The following EIF3C variants were observed in gnomAD, a reference collection of about 807,000 sequenced individuals.
The protein encoded by EIF3C is cell migration-inducing protein 17.
In EIF3C, 2 loss-of-function variants were observed where a neutral mutation model predicts 11.1. The ratio of observed to expected loss-of-function variants is 0.18; its 90% CI spans 0.07 to 0.57. EIF3C has a LOEUF of 0.57. Among genes scored for constraint, EIF3C ranks in the 20% least tolerant of loss-of-function variants. The probability of loss-of-function intolerance (pLI) is 0.92; values close to 1 mark genes in which losing one functional copy is unlikely to be tolerated. For synonymous variants in EIF3C, 2 were observed against 41.5 expected, an observed-to-expected ratio of 0.05 and a Z score of 3.66; for missense variants, 16 against 114.6, an observed-to-expected ratio of 0.14 and a Z score of 3.93.
intron 15 of EIF3C, among the ~76,000 whole-genome samples, chr16:28,728,499 GT>G (rs2048405716): frequency 1.5e-5 from 1 of 65,464 alleles, no homozygotes; most frequent in East Asian, 3.9e-4. Flanking sequence ...TTTAGGGGGT[GT>G]GTGTGTGTGT....
At chr16:28,698,242 G>C (rs2048253948) in intron 1 of EIF3C, among the ~76,000 whole-genome samples, 2 of 126,532 alleles carry the variant, frequency 1.6e-5, no homozygotes, top group Non-Finnish European at 3.4e-5. Flanking sequence ...GGGGCGGCTG[G>C]CCGGGTGGGG....
intron 1 of EIF3C, among the ~76,000 whole-genome samples, chr16:28,691,180 A>AT (rs2048215639): frequency 2.5e-5 from 1 of 40,352 alleles, no homozygotes; most frequent in Admixed American, 3.4e-4. Context: ...GTCTCAAAAA[A>AT]ATATATATAT....
At position 28,723,272 on chromosome 16, in the gene EIF3C, C is replaced by G. The variant is rs756558546; in HGVS notation, c.885C>G (p.Asp295Glu). The G allele has an allele frequency of 1.4e-5, 23 of 1,614,268 alleles. No homozygotes were observed. Among genetic ancestry groups the G allele is most frequent in the Non-Finnish European group, 1.9e-5 (22 of 1,180,044 alleles). Reference sequence around the variant, plus strand: ...AGCGCCTGGATGAGGAGGAGGAGGACAATGAAGGCGGGGAGTGGGAAAGGG... The same window carrying G: ...AGCGCCTGGATGAGGAGGAGGAGGAGAATGAAGGCGGGGAGTGGGAAAGGG... The part of the protein sequence containing the change: ...KSKRLDEEEE[D>E]NEGGEWERVR... The change falls in exon 9 of 21, where the codon GAC becomes GAG. Residue 295 changes from aspartate to glutamate, a missense_variant. By Grantham distance (45) the Asp-to-Glu change is conservative. Transcript: ENST00000331666.
chr16:28,695,992 GA>G lies in EIF3C; in HGVS notation c.-31+7172del, dbSNP rs1287151077. On this transcript the variant is annotated intron_variant, in intron 1 of 20. Coordinates refer to the EIF3C transcript ENST00000566501. ...CAACAGAGGGAGACTCTGTCTCAAA[GA>G]AAAAAAATTTTAAAAAGACAGTTAA... 5.0e-4 allele frequency among the ~76,000 whole-genome samples: 25 copies of G among 49,604 alleles called. 5 individuals carry two copies. The highest frequency in any genetic ancestry group is 2.1e-3 in the African/African-American group (13 of 6,094). 32.5% of individuals were successfully genotyped at this position (49,604 alleles called of 152,430 possible).
intron 1 of EIF3C, among the ~76,000 whole-genome samples, chr16:28,691,186 TATATATATA>T (rs1010200087): frequency 2.4e-5 from 1 of 42,022 alleles, no homozygotes; most frequent in Non-Finnish European, 3.7e-5. Flanking sequence ...AAAAAATATA[TATATATATA>T]ATATATATAT....
At chr16:28,729,030 G>A (rs77947417) in intron 15 of EIF3C, among the ~76,000 whole-genome samples, 1,207 of 29,076 alleles carry the variant, frequency 0.042, 179 homozygotes, top group African/African-American at 0.16. Context: ...TTGAGTTGTA[G>A]GAGTGCCTTA....
At chr16:28,698,580 C>A (rs1218189315) in intron 1 of EIF3C, among the ~76,000 whole-genome samples, 1 of 97,294 alleles carries the variant, frequency 1.0e-5, no homozygotes, top group African/African-American at 8.3e-5. Context: ...GGCGGAGACG[C>A]TCCTCACTTC....
chr16:28,699,999 C>A (rs1469912132), intron 1 of EIF3C, among the ~76,000 whole-genome samples: 4 of 37,050 alleles, frequency 1.1e-4, no homozygotes, highest in African/African-American at 4.4e-4. Context: ...GGCGGACCAG[C>A]CTGGCGACCT....
intron 1 of EIF3C, among the ~76,000 whole-genome samples, chr16:28,693,051 TTTC>T (rs1159351537): frequency 1.4e-5 from 1 of 69,208 alleles, no homozygotes; most frequent in East Asian, 4.4e-4. Context: ...AGGAGCTACA[TTTC>T]CAATCTCAAA....
intron 8 of EIF3C, chr16:28,722,946 G>C: frequency 1.3e-6 from 1 of 745,712 alleles, no homozygotes; most frequent in East Asian, 2.7e-5. Context: ...ATGCTTAGCT[G>C]ACAGGTTGTT....
At chr16:28,698,618 C>G (rs79087297) in intron 1 of EIF3C, among the ~76,000 whole-genome samples, 6 of 85,740 alleles carry the variant, frequency 7.0e-5, no homozygotes, top group African/African-American at 2.4e-4. Context: ...CGGGCGGAGA[C>G]ACTCCTCACT....
In EIF3C at chr16:28,697,131, ATTTTTTT is replaced by A. The variant is rs546075666; in HGVS notation, c.-31+8319_-31+8325del. ...AGGCATGCGCCACCACGCCTGGCTA[ATTTTTTT>A]TTTTTTTTTTTTTTTGCATTCCTAA... On this transcript the variant is annotated intron_variant, in intron 1 of 20. Transcript: ENST00000566501. 3.2e-4 allele frequency among the ~76,000 whole-genome samples: 4 copies of A among 12,542 alleles called. 2 individuals are homozygous for A. The highest frequency in any genetic ancestry group is 3.3e-3 in the East Asian group (2 of 606). The allele number at this position is 12,542 out of a possible 152,430, so 8.2% of individuals were successfully genotyped here. A position where few individuals can be genotyped will look rare whatever the true frequency, so the allele number is the denominator to read the frequency against.
intron 1 of EIF3C, among the ~76,000 whole-genome samples, chr16:28,697,855 T>C (rs1404488111): frequency 3.4e-5 from 3 of 89,090 alleles, no homozygotes; most frequent in Non-Finnish European, 6.3e-5. Flanking sequence ...ACGGGGCGGC[T>C]GGCCGGGCGG....
chr16:28,731,070 G>A (rs1158488393), intron 15 of EIF3C, among the ~76,000 whole-genome samples: 1 of 10,672 alleles, frequency 9.4e-5, no homozygotes, highest in East Asian at 1.1e-3. Context: ...CCCGGGAGGC[G>A]GAGCTTACAA....
rs868781653 is a variant in EIF3C at position 28,698,309 on chromosome 16, C to T, written c.-31+9481C>T. On this transcript the variant is annotated intron_variant, in intron 1 of 20. Transcript: ENST00000566501. ...GGTGGCTGGCCAGGCTGAGGGGCTCCTCACTTCCCAGTAGGGGCGGCCGGG... is the reference window on the plus strand; with the variant it reads ...GGTGGCTGGCCAGGCTGAGGGGCTCTTCACTTCCCAGTAGGGGCGGCCGGG... Among the ~76,000 whole-genome samples, 501 of 105,280 alleles carry T rather than the reference C, an allele frequency of 4.8e-3. 3 individuals are homozygous for T. The East Asian group carries it at 0.095, about 20-fold the overall frequency. 69.1% of individuals were successfully genotyped at this position (105,280 alleles called of 152,430 possible).
intron 15 of EIF3C, among the ~76,000 whole-genome samples, chr16:28,730,266 G>A (rs559263217): frequency 1.0e-4 from 14 of 135,442 alleles, no homozygotes; most frequent in African/African-American, 3.0e-4. Flanking sequence ...CTGACCCCAC[G>A]ATCCACCCAC....
intron 1 of EIF3C, among the ~76,000 whole-genome samples, chr16:28,704,536 CA>C (rs2048290315): frequency 1.4e-5 from 1 of 69,380 alleles, no homozygotes; most frequent in South Asian, 5.8e-4. Context: ...CCCGTCTCTA[CA>C]AAAAACAAAA....
In EIF3C at chr16:28,689,218, T is replaced by A. The variant is rs1177800249; in HGVS notation, c.-31+390T>A. ...GCCACCACGCCCGGCCCCATGGGTG[T>A]TTTTTAGAGCTCTCTTTGATTCACA... On this transcript the variant is annotated intron_variant, in intron 1 of 20. Coordinates refer to the EIF3C transcript ENST00000566501. Among the ~76,000 whole-genome samples the A allele has an allele frequency of 8.1e-5, 4 of 49,476 alleles. 2 individuals are homozygous for A. Among genetic ancestry groups the A allele is most frequent in the Non-Finnish European group, 1.4e-4 (4 of 28,258 alleles). 32.5% of individuals were successfully genotyped at this position (49,476 alleles called of 152,430 possible).
chr16:28,700,132 C>A (rs1230662392), intron 1 of EIF3C: 1 of 175,534 alleles, frequency 5.7e-6, no homozygotes, highest in Non-Finnish European at 9.7e-6. Flanking sequence ...GTGGAGAGGG[C>A]GGGGAGGGGG....
Sources: gnomAD v4.1 joint callset for allele counts (sites outside exome capture counted in the v4.1 genomes callset) on GRCh38, gnomAD v4.1.1 for gene constraint, MANE v1.5 for transcripts, NCBI Gene and HGNC (gene_info 2026-07-23, HGNC 2026-07-21) for gene names.